Variants in C7orf78 observed in about 807,000 individuals in gnomAD.
C7orf78 encodes putative uncharacterized protein C7orf78.
chr7:12,523,985 C>T, the C7orf78 span, among the ~76,000 whole-genome samples: 1 of 152,092 alleles, frequency 6.6e-6, no homozygotes, highest in African/African-American at 2.4e-5. Context: ...TGAATATATT[C>T]TGTTCTCAGA....
chr7:12,517,410 T>C, the C7orf78 span, among the ~76,000 whole-genome samples: 1 of 152,228 alleles, frequency 6.6e-6, no homozygotes, highest in Non-Finnish European at 1.5e-5. Context: ...AACAGATTAA[T>C]ATGATGTCTA....
At chr7:12,511,746 T>G in the C7orf78 span, among the ~76,000 whole-genome samples, 1 of 151,490 alleles carries the variant, frequency 6.6e-6, no homozygotes, top group Non-Finnish European at 1.5e-5. Context: ...TTTTTTGGGT[T>G]TTTGTTTTTT....
the C7orf78 span, among the ~76,000 whole-genome samples, chr7:12,522,264 G>A: frequency 3.3e-5 from 5 of 151,930 alleles, no homozygotes; most frequent in African/African-American, 1.2e-4. Context: ...TATTCTGATT[G>A]GTAATTAGCC....
the C7orf78 span, among the ~76,000 whole-genome samples, chr7:12,518,213 AG>A: frequency 6.6e-6 from 1 of 152,092 alleles, no homozygotes; most frequent in African/African-American, 2.4e-5. Context: ...TTCTGGGAAA[AG>A]GGATTGCAGG....
the C7orf78 span, among the ~76,000 whole-genome samples, chr7:12,513,237 CTTCT>C: frequency 7.1e-6 from 1 of 139,886 alleles, no homozygotes; most frequent in Non-Finnish European, 1.6e-5. Context: ...TCTTTCTTTC[CTTCT>C]TTCTTTTTTT....
At chr7:12,518,000 T>C in the C7orf78 span, among the ~76,000 whole-genome samples, 1 of 152,336 alleles carries the variant, frequency 6.6e-6, no homozygotes, top group South Asian at 2.1e-4. Flanking sequence ...CTATGTCTTC[T>C]TTGAATTTTT....
At chr7:12,485,947 A>T in the C7orf78 span, among the ~76,000 whole-genome samples, 1 of 152,122 alleles carries the variant, frequency 6.6e-6, no homozygotes, top group Admixed American at 6.6e-5. Flanking sequence ...TCACTAAATC[A>T]CGAAATCCTC....
At chr7:12,529,303 G>C in the C7orf78 span, among the ~76,000 whole-genome samples, 3 of 152,134 alleles carry the variant, frequency 2.0e-5, no homozygotes, top group Non-Finnish European at 4.4e-5. Context: ...GTAGTTAAAA[G>C]CATGGCTTCT....
At chr7:12,500,962 A>G in the C7orf78 span, among the ~76,000 whole-genome samples, 1 of 151,442 alleles carries the variant, frequency 6.6e-6, no homozygotes, top group African/African-American at 2.4e-5. Flanking sequence ...GCATATAAAC[A>G]GAGCCAAAGA....
the C7orf78 span, among the ~76,000 whole-genome samples, chr7:12,488,206 C>T: frequency 6.6e-6 from 1 of 152,014 alleles, no homozygotes. Context: ...AACTTTCAAA[C>T]ATTGCTTAAT....
chr7:12,538,739 C>T, the C7orf78 span, among the ~76,000 whole-genome samples: 1 of 152,132 alleles, frequency 6.6e-6, no homozygotes, highest in Admixed American at 6.5e-5. Flanking sequence ...ACAGAACCCT[C>T]CATACGGCTC....
chr7:12,489,548 T>C, the C7orf78 span, among the ~76,000 whole-genome samples: 13 of 152,116 alleles, frequency 8.5e-5, no homozygotes, highest in Admixed American at 3.9e-4. Context: ...ACTATGCAGA[T>C]CGCACTTATT....
chr7:12,516,856 C>G, the C7orf78 span, among the ~76,000 whole-genome samples: 2 of 152,102 alleles, frequency 1.3e-5, no homozygotes, highest in African/African-American at 4.8e-5. Flanking sequence ...ATACCTGTAC[C>G]CCCATTGTAT....
the C7orf78 span, among the ~76,000 whole-genome samples, chr7:12,510,176 AG>A: frequency 1.8e-4 from 2 of 11,356 alleles, no homozygotes; most frequent in African/African-American, 2.2e-4. Flanking sequence ...TAATTTTGGG[AG>A]GGTGGGGGGG....
the C7orf78 span, among the ~76,000 whole-genome samples, chr7:12,496,075 G>A: frequency 1.1e-4 from 16 of 152,022 alleles, no homozygotes; most frequent in African/African-American, 3.1e-4. Flanking sequence ...ACAGGTGCCC[G>A]CCACCACACC....
the C7orf78 span, among the ~76,000 whole-genome samples, chr7:12,492,742 CAGCA>C: frequency 6.6e-6 from 1 of 152,168 alleles, no homozygotes; most frequent in Non-Finnish European, 1.5e-5. Context: ...TGGAGTATGA[CAGCA>C]TCAAATGCCT....
At chr7:12,531,701 C>G in the C7orf78 span, among the ~76,000 whole-genome samples, 1 of 152,146 alleles carries the variant, frequency 6.6e-6, no homozygotes, top group Non-Finnish European at 1.5e-5. Flanking sequence ...ATAGTACCAA[C>G]TTTGCAGAGT....
chr7:12,491,793 C>A, the C7orf78 span: 2 of 152,158 alleles, frequency 1.3e-5, no homozygotes, highest in Non-Finnish European at 2.9e-5. Flanking sequence ...GCATTAAAAA[C>A]AGTGATAACA....
the C7orf78 span, among the ~76,000 whole-genome samples, chr7:12,516,554 A>G: frequency 3.3e-5 from 5 of 152,202 alleles, no homozygotes; most frequent in Admixed American, 2.0e-4. Flanking sequence ...AGAATGGTAG[A>G]TCCACTGACA....
Sources: allele counts gnomAD v4.1 joint callset (sites outside exome capture counted in the v4.1 genomes callset), GRCh38; gene constraint gnomAD v4.1.1; transcripts MANE v1.5; gene names NCBI Gene and HGNC (gene_info 2026-07-23, HGNC 2026-07-21).